PRDM11: variants seen among roughly 807,000 people sequenced by gnomAD.
PRDM11 encodes the protein PR domain-containing protein 11.
A neutral mutation model predicts 97.8 loss-of-function variants in PRDM11; 20 were observed. That is an observed-to-expected ratio of 0.20 (90% confidence interval 0.14 to 0.30). PRDM11 has a LOEUF of 0.30. Ranked by LOEUF, PRDM11 falls within the 10% of genes least tolerant of loss-of-function variation. The pLI, the probability that PRDM11 is intolerant of heterozygous loss-of-function variation, is 1.00. For synonymous variants in PRDM11, 599 were observed against 637.7 expected, an observed-to-expected ratio of 0.94 and a Z score of 0.91; for missense variants, 1,139 against 1,555.2, an observed-to-expected ratio of 0.73 and a Z score of 4.50.
chr11:45,206,606 G>T (rs1240860779), intron 5 of PRDM11, among the ~76,000 whole-genome samples: 1 of 152,196 alleles, frequency 6.6e-6, no homozygotes, highest in Non-Finnish European at 1.5e-5. Context: ...TCCCCCTGGG[G>T]ACAAGGCCTT....
chr11:45,173,784 G>C (rs2135722059), intron 1 of PRDM11, among the ~76,000 whole-genome samples: 1 of 152,258 alleles, frequency 6.6e-6, no homozygotes, highest in Middle Eastern at 3.4e-3. Flanking sequence ...TCCACTGGCT[G>C]GACCCCAGTT....
intron 1 of PRDM11, among the ~76,000 whole-genome samples, chr11:45,133,676 T>C (rs1852769178): frequency 1.3e-5 from 2 of 152,188 alleles, no homozygotes; most frequent in African/African-American, 4.8e-5. Context: ...CCTTCCCTTC[T>C]TCTACTGGCA....
chr11:45,130,567 C>T (rs753822410), intron 1 of PRDM11, among the ~76,000 whole-genome samples: 1 of 152,064 alleles, frequency 6.6e-6, no homozygotes, highest in Non-Finnish European at 1.5e-5. Context: ...TAAGTGTTGG[C>T]AAGAACGTGG....
intron 1 of PRDM11, among the ~76,000 whole-genome samples, chr11:45,179,860 C>T (rs1353510263): frequency 1.3e-5 from 2 of 152,252 alleles, no homozygotes; most frequent in Non-Finnish European, 1.5e-5. Context: ...CACCTAACCA[C>T]TGAGGCTCCA....
intron 2 of PRDM11, 121 bp downstream of exon 2, chr11:45,182,006 C>T (rs543542541): frequency 7.5e-5 from 71 of 950,162 alleles, no homozygotes; most frequent in East Asian, 1.3e-4. Context: ...ACCCTGCTCC[C>T]GGCAGCTCCT....
chr11:45,113,819 TGTGTGTTTTG>T (rs1852240602), intron 1 of PRDM11, among the ~76,000 whole-genome samples: 1 of 122,276 alleles, frequency 8.2e-6, no homozygotes, highest in African/African-American at 3.2e-5. Context: ...TGTGTGTGTG[TGTGTGTTTTG>T]TTTTTTTTTT....
At position 45,219,743 on chromosome 11, in the gene PRDM11, G is replaced by A. The variant is rs141187785; in HGVS notation, c.728G>A (p.Arg243His). ...AGCATGTCCCAGGAAACCATTCACC[G>A]CAACCTGGCCAGAGGTGAGTGCCAT... ...LHSMSQETIH[R>H]NLARGEKRLQ... is the part of the protein sequence containing the mutation. The change falls in exon 6 of 8, where the codon CGC (arginine) becomes CAC (histidine). Residue 243 changes from arginine (R) to histidine (H), a missense_variant. Coordinates refer to ENST00000683152, the MANE Select transcript of PRDM11 (RefSeq NM_001384648.1). This position sits in a 1 kb window ranked among gnomAD's most constrained non-coding sequence, Gnocchi z 4.2. The A allele has an allele frequency of 2.4e-5, 39 of 1,613,390 alleles. 2 individuals carry two copies. Among genetic ancestry groups the A allele is most frequent in the South Asian group, 1.6e-4 (15 of 91,010 alleles).
At chr11:45,103,323 T>C (rs1189754821) in intron 1 of PRDM11, among the ~76,000 whole-genome samples, 1 of 151,552 alleles carries the variant, frequency 6.6e-6, no homozygotes, top group Non-Finnish European at 1.5e-5. Flanking sequence ...CTACAGCAAA[T>C]GGGGGGACTG....
chr11:45,156,220 T>C (rs2135694950), intron 1 of PRDM11, among the ~76,000 whole-genome samples: 1 of 152,352 alleles, frequency 6.6e-6, no homozygotes, highest in East Asian at 1.9e-4. Context: ...TATGAGCCAC[T>C]GTGGCTCAGG....
chr11:45,211,825 A>C (rs1287583492), intron 5 of PRDM11, among the ~76,000 whole-genome samples: 1 of 151,804 alleles, frequency 6.6e-6, no homozygotes, highest in African/African-American at 2.4e-5. Flanking sequence ...CCAAAATCTC[A>C]CAAGTCACCA....
chr11:45,175,415 T>G (rs1852304752), intron 1 of PRDM11, among the ~76,000 whole-genome samples: 1 of 152,242 alleles, frequency 6.6e-6, no homozygotes, highest in South Asian at 2.1e-4. Context: ...GTTGGCATCT[T>G]TCACATAATA....
At chr11:45,146,518 C>A (rs1022634015), upstream of PRDM11, among the ~76,000 whole-genome samples, 1 of 151,976 alleles carries the variant, frequency 6.6e-6, no homozygotes, top group African/African-American at 2.4e-5. Flanking sequence ...GGGCGCGGGC[C>A]TAAGGGGCCC....
At chr11:45,203,243 T>G (rs889667335) in intron 4 of PRDM11, among the ~76,000 whole-genome samples, 1 of 152,176 alleles carries the variant, frequency 6.6e-6, no homozygotes, top group Non-Finnish European at 1.5e-5. Flanking sequence ...CTAGCTCATG[T>G]GTCAAAACTT....
intron 4 of PRDM11, among the ~76,000 whole-genome samples, chr11:45,183,870 C>T (rs2135741898): frequency 6.6e-6 from 1 of 152,244 alleles, no homozygotes; most frequent in Middle Eastern, 3.4e-3. Flanking sequence ...TGGGCTGGCC[C>T]TGGAAATACA....
At chr11:45,181,988 C>A (rs969278945) in intron 2 of PRDM11, 103 bp downstream of exon 2, 14 of 1,078,136 alleles carry the variant, frequency 1.3e-5, no homozygotes, top group Non-Finnish European at 1.9e-5. Flanking sequence ...CCTTGCCCAC[C>A]TTCCCTAACC....
chr11:45,127,031 C>T (rs568449755), intron 1 of PRDM11, among the ~76,000 whole-genome samples: 6 of 152,232 alleles, frequency 3.9e-5, no homozygotes, highest in East Asian at 1.9e-4. Context: ...AGACTTTGTT[C>T]GTTTCTTTTT....
chr11:45,205,831 A>T (rs1437272701), intron 5 of PRDM11, among the ~76,000 whole-genome samples: 1 of 152,102 alleles, frequency 6.6e-6, no homozygotes, highest in Non-Finnish European at 1.5e-5. Flanking sequence ...CCTATCAGAG[A>T]GTGGCTGAGC....
chr11:45,104,484 A>G (rs568904195), intron 1 of PRDM11, among the ~76,000 whole-genome samples: 36 of 152,276 alleles, frequency 2.4e-4, no homozygotes, highest in African/African-American at 8.7e-4. Flanking sequence ...GAGTGAGACC[A>G]TGGAGTGAAG....
intron 1 of PRDM11, among the ~76,000 whole-genome samples, chr11:45,097,928 G>A (rs1336240515): frequency 1.3e-5 from 2 of 152,270 alleles, no homozygotes; most frequent in Non-Finnish European, 2.9e-5. Context: ...GCACCGTCAC[G>A]TCATTGGCAA....
Sources: allele counts gnomAD v4.1 joint callset (sites outside exome capture counted in the v4.1 genomes callset), GRCh38; gene constraint gnomAD v4.1.1; non-coding constraint Gnocchi (gnomAD v3.1); transcripts MANE v1.5; gene names NCBI Gene and HGNC (gene_info 2026-07-23, HGNC 2026-07-21).